CNTN5: variants seen among roughly 807,000 people sequenced by gnomAD.
The protein encoded by CNTN5 is contactin 5.
Under a neutral mutation model 129.1 loss-of-function variants are expected in CNTN5, and 77 were observed. The ratio of observed to expected loss-of-function variants is 0.60; its 90% confidence interval spans 0.50 to 0.72. The LOEUF is 0.72. Ranked by LOEUF, CNTN5 falls within the 30% of genes least tolerant of loss-of-function variation. The pLI, the probability that CNTN5 is intolerant of heterozygous loss-of-function variation, is 0.00. For synonymous variants in CNTN5, 509 were observed against 465.6 expected (o/e 1.09, Z -1.20); for missense variants, 1,478 against 1,328.8 (o/e 1.11, Z -1.75).
intron 1 of CNTN5, among the ~76,000 whole-genome samples, chr11:99,092,578 T>G (rs1304652947): frequency 6.6e-6 from 1 of 152,038 alleles, no homozygotes; most frequent in Non-Finnish European, 1.5e-5. Flanking sequence ...TGTACAATAT[T>G]TGAAAAATTG....
At chr11:100,037,942 G>T (rs1333439353) in intron 9 of CNTN5, among the ~76,000 whole-genome samples, 2 of 151,896 alleles carry the variant, frequency 1.3e-5, no homozygotes, top group African/African-American at 4.8e-5. Flanking sequence ...TTGATTTTTT[G>T]AAGGGTTTTT....
chr11:99,933,010 C>A (rs909820483), intron 7 of CNTN5, among the ~76,000 whole-genome samples: 1 of 152,046 alleles, frequency 6.6e-6, no homozygotes, highest in African/African-American at 2.4e-5. Context: ...GCTGACATAG[C>A]CCTGGATGTT....
chr11:99,902,883 G>A (rs974153289), intron 6 of CNTN5, among the ~76,000 whole-genome samples: 1 of 152,048 alleles, frequency 6.6e-6, no homozygotes, highest in African/African-American at 2.4e-5. Context: ...CCAAGGACGG[G>A]GAGCAGATTT....
At chr11:99,565,559 C>T (rs1948975756) in intron 3 of CNTN5, among the ~76,000 whole-genome samples, 1 of 152,154 alleles carries the variant, frequency 6.6e-6, no homozygotes, top group Admixed American at 6.5e-5. Flanking sequence ...TTGTCCCTTG[C>T]TATTTTCTGT....
intron 2 of CNTN5, among the ~76,000 whole-genome samples, chr11:99,551,044 G>A (rs1948463831): frequency 6.6e-6 from 1 of 152,050 alleles, no homozygotes; most frequent in Non-Finnish European, 1.5e-5. Flanking sequence ...AATAATGAAA[G>A]CCTCCAAGAA....
chr11:99,298,140 C>G (rs1864467468), intron 1 of CNTN5, among the ~76,000 whole-genome samples: 1 of 152,026 alleles, frequency 6.6e-6, no homozygotes, highest in South Asian at 2.1e-4. Flanking sequence ...TCCTAGGGGT[C>G]GCTAGAAGCT....
At chr11:99,617,082 G>A (rs1950784973) in intron 3 of CNTN5, among the ~76,000 whole-genome samples, 2 of 152,204 alleles carry the variant, frequency 1.3e-5, no homozygotes, top group Admixed American at 1.3e-4. Flanking sequence ...TTGCACTCTA[G>A]CCTGGGCAAC....
intron 18 of CNTN5, among the ~76,000 whole-genome samples, chr11:100,280,162 T>C (rs2138815059): frequency 6.6e-6 from 1 of 152,088 alleles, no homozygotes; most frequent in Non-Finnish European, 1.5e-5. Flanking sequence ...ATTCAGTCAT[T>C]GGATAAAATG....
intron 3 of CNTN5, among the ~76,000 whole-genome samples, chr11:99,636,751 A>T (rs1190150097): frequency 6.8e-6 from 1 of 146,262 alleles, no homozygotes; most frequent in African/African-American, 2.5e-5. Flanking sequence ...GCGGTGGCTC[A>T]TACCTGTAAT....
chr11:99,103,125 T>A lies in CNTN5; in HGVS notation c.-210+81855T>A, dbSNP rs940725900. Among the ~76,000 whole-genome samples the A allele has an allele frequency of 5.3e-5, 8 of 152,204 alleles. No homozygotes were observed. The East Asian group carries it at 1.2e-3, about 22-fold the overall frequency. On this transcript the variant is annotated intron_variant, in intron 1 of 24. Coordinates refer to ENST00000524871, the MANE Select transcript of CNTN5 (RefSeq NM_014361.4). ...CTTATTCACTACCATGAGACCAGTA[T>A]GGGGAAAACCACCCCAGTGGTTTAT...
chr11:99,702,546 G>T (rs1156455014), intron 3 of CNTN5, among the ~76,000 whole-genome samples: 1 of 150,816 alleles, frequency 6.6e-6, no homozygotes, highest in Admixed American at 6.6e-5. Context: ...ATAATATTTA[G>T]ATTCTTTTTC....
intron 13 of CNTN5, among the ~76,000 whole-genome samples, chr11:100,150,807 G>T (rs1451385011): frequency 6.6e-6 from 1 of 152,066 alleles, no homozygotes; most frequent in Non-Finnish European, 1.5e-5. Context: ...TTTAATCTTT[G>T]TGTCTCCGAA....
chr11:99,325,902 C>T (rs1591525430), intron 2 of CNTN5, among the ~76,000 whole-genome samples: 1 of 152,086 alleles, frequency 6.6e-6, no homozygotes, highest in African/African-American at 2.4e-5. Flanking sequence ...TGTATGTGCT[C>T]GAATTTTAAG....
intron 1 of CNTN5, among the ~76,000 whole-genome samples, chr11:99,309,713 T>C (rs904356620): frequency 2.6e-5 from 4 of 152,238 alleles, no homozygotes; most frequent in Admixed American, 1.3e-4. Context: ...CCAAGACTCA[T>C]TTTATGCATC....
At chr11:99,819,964 A>G (rs1188667219) in intron 4 of CNTN5, among the ~76,000 whole-genome samples, 199 bp downstream of exon 4, 3 of 152,210 alleles carry the variant, frequency 2.0e-5, no homozygotes, top group Non-Finnish European at 4.4e-5. Context: ...AGATACTGGT[A>G]AATGTGACTA....
intron 1 of CNTN5, among the ~76,000 whole-genome samples, chr11:99,160,160 G>A (rs1860540497): frequency 6.6e-6 from 1 of 152,128 alleles, no homozygotes; most frequent in Non-Finnish European, 1.5e-5. Flanking sequence ...GTTTCATAGA[G>A]GACTTTGTAG....
intron 2 of CNTN5, among the ~76,000 whole-genome samples, chr11:99,373,711 C>CAAAAA (rs57363059): frequency 3.1e-5 from 3 of 95,970 alleles, no homozygotes; most frequent in Non-Finnish European, 3.9e-5. Context: ...AACTCCGTCT[C>CAAAAA]AAAAAAAAAA....
intron 13 of CNTN5, among the ~76,000 whole-genome samples, chr11:100,179,974 A>C (rs1465475240): frequency 6.6e-6 from 1 of 152,074 alleles, no homozygotes; most frequent in Admixed American, 6.6e-5. Flanking sequence ...AATTCTACCA[A>C]ACATTTAAGG....
intron 1 of CNTN5, among the ~76,000 whole-genome samples, chr11:99,104,613 T>TGG (rs1565320329): frequency 8.7e-6 from 1 of 114,688 alleles, no homozygotes; most frequent in East Asian, 3.0e-4. Flanking sequence ...CTACAATGTG[T>TGG]GTGTATATAT....
Sources: gnomAD v4.1 joint callset for allele counts (sites outside exome capture counted in the v4.1 genomes callset) on GRCh38, gnomAD v4.1.1 for gene constraint, MANE v1.5 for transcripts, NCBI Gene and HGNC (gene_info 2026-07-23, HGNC 2026-07-21) for gene names.